RGS7: variants seen among roughly 807,000 people sequenced by gnomAD.
The protein encoded by RGS7 is regulator of G protein signaling 7.
RGS7 carries 27 observed loss-of-function variants against 81.1 expected under a neutral mutation model. That is an observed-to-expected ratio of 0.33 (90% CI 0.25 to 0.46). The LOEUF is 0.46. Ranked by LOEUF, RGS7 falls within the 20% of genes least tolerant of loss-of-function variation. The pLI, the probability that RGS7 is intolerant of heterozygous loss-of-function variation, is 1.00. For missense variants in RGS7, 396 were observed against 607.4 expected (o/e 0.65, Z 3.66); for synonymous variants, 208 against 207.7 (o/e 1.00, Z -0.01).
intron 2 of RGS7, among the ~76,000 whole-genome samples, chr1:241,327,054 G>A (rs1175340346): frequency 2.8e-5 from 2 of 71,158 alleles, no homozygotes; most frequent in African/African-American, 1.2e-4. Flanking sequence ...GAGGGGAAAG[G>A]AAGGAAGAAG....
chr1:241,021,062 T>A (rs1218801843), intron 3 of RGS7, among the ~76,000 whole-genome samples: 1 of 152,222 alleles, frequency 6.6e-6, no homozygotes, highest in Non-Finnish European at 1.5e-5. Flanking sequence ...TTCTTATTAG[T>A]GTTGTCAACA....
At chr1:241,058,042 T>G (rs2061558684) in intron 3 of RGS7, among the ~76,000 whole-genome samples, 1 of 152,088 alleles carries the variant, frequency 6.6e-6, no homozygotes, top group Non-Finnish European at 1.5e-5. Context: ...GCTGCCTCTC[T>G]AAAATAATAA....
chr1:240,856,047 G>A (rs1661062689), intron 9 of RGS7, among the ~76,000 whole-genome samples: 1 of 151,846 alleles, frequency 6.6e-6, no homozygotes, highest in African/African-American at 2.4e-5. Flanking sequence ...TGATATTTCT[G>A]AATTGTTTAA....
chr1:241,106,783 C>CACACACACACAA (rs1458660161), intron 2 of RGS7, among the ~76,000 whole-genome samples: 76 of 147,772 alleles, frequency 5.1e-4, no homozygotes, highest in African/African-American at 1.8e-3. Context: ...CACACACACA[C>CACACACACACAA]GATAACATAA....
chr1:241,188,285 TCACACA>T (rs59722851), intron 2 of RGS7, among the ~76,000 whole-genome samples: 3 of 148,048 alleles, frequency 2.0e-5, no homozygotes, highest in African/African-American at 7.5e-5. Context: ...TCTTTTATCC[TCACACA>T]CACACACACA....
chr1:240,940,813 G>A (rs76065298), intron 4 of RGS7, among the ~76,000 whole-genome samples: 2,855 of 152,234 alleles, frequency 0.019, 87 homozygotes, highest in African/African-American at 0.065. Flanking sequence ...AAACAGAAGT[G>A]AGTGATCATA....
chr1:241,296,549 G>A (rs2079437643), intron 2 of RGS7, among the ~76,000 whole-genome samples: 1 of 152,242 alleles, frequency 6.6e-6, no homozygotes, highest in South Asian at 2.1e-4. Flanking sequence ...CACATCTGGA[G>A]TCCAATATCC....
chr1:240,776,720 G>A (rs1321482795), intron 18 of RGS7, among the ~76,000 whole-genome samples: 2 of 152,148 alleles, frequency 1.3e-5, no homozygotes, highest in Non-Finnish European at 2.9e-5. Context: ...TTTTGAGGGT[G>A]TGATTCATGA....
intron 2 of RGS7, among the ~76,000 whole-genome samples, chr1:241,323,716 G>A (rs1488366411): frequency 6.6e-6 from 1 of 152,172 alleles, no homozygotes; most frequent in African/African-American, 2.4e-5. Flanking sequence ...AGAGCTGTCC[G>A]AGGTCCTGAT....
intron 6 of RGS7, among the ~76,000 whole-genome samples, chr1:240,903,167 G>A (rs1233947014): frequency 2.0e-5 from 3 of 152,284 alleles, no homozygotes; most frequent in South Asian, 2.1e-4. Context: ...AGAATCAGCT[G>A]TCAAAAAGAA....
rs180823876 is a variant in RGS7 at position 240,945,781 on chromosome 1, T to C, written c.227-9075A>G. 1.3e-3 allele frequency among the ~76,000 whole-genome samples: 199 copies of C among 152,324 alleles called. 2 individuals are homozygous for C. The highest frequency in any genetic ancestry group is 4.6e-3 in the African/African-American group (191 of 41,570). ...TGATGTTTGCAACTTTTGAATAATCTTTACAGCAAAGTATCATTTTAAAAA... is the reference window on the plus strand; with the variant it reads ...TGATGTTTGCAACTTTTGAATAATCCTTACAGCAAAGTATCATTTTAAAAA... On this transcript the variant is annotated intron_variant, in intron 4 of 18. Coordinates refer to ENST00000440928, the MANE Select transcript of RGS7 (RefSeq NM_001364886.1).
intron 9 of RGS7, among the ~76,000 whole-genome samples, chr1:240,834,386 A>T (rs1558324943): frequency 6.6e-6 from 1 of 152,240 alleles, no homozygotes; most frequent in Non-Finnish European, 1.5e-5. Context: ...CAAGAGGCAG[A>T]AGGAAACAGA....
chr1:241,167,127 A>AC (rs1245997406), intron 2 of RGS7, among the ~76,000 whole-genome samples: 2 of 152,210 alleles, frequency 1.3e-5, no homozygotes, highest in East Asian at 1.9e-4. Flanking sequence ...CAATACACAG[A>AC]CCCGGGGGAG....
intron 3 of RGS7, among the ~76,000 whole-genome samples, chr1:241,019,498 C>G (rs945086857): frequency 6.6e-6 from 1 of 152,046 alleles, no homozygotes; most frequent in South Asian, 2.1e-4. Context: ...TAATGCTATC[C>G]CTCCCCCAGC....
At chr1:241,179,835 A>T (rs1489904420) in intron 2 of RGS7, among the ~76,000 whole-genome samples, 1 of 146,798 alleles carries the variant, frequency 6.8e-6, no homozygotes, top group Non-Finnish European at 1.5e-5. Flanking sequence ...GGTACTTGGC[A>T]AATATACATA....
intron 2 of RGS7, among the ~76,000 whole-genome samples, chr1:241,255,904 C>T (rs924095963): frequency 7.2e-5 from 11 of 152,110 alleles, no homozygotes; most frequent in Non-Finnish European, 1.3e-4. Flanking sequence ...GACTGGGGCT[C>T]CACAATATGT....
chr1:240,956,666 A>T (rs1038558415), intron 4 of RGS7, among the ~76,000 whole-genome samples: 2 of 152,038 alleles, frequency 1.3e-5, no homozygotes, highest in Admixed American at 6.6e-5. Flanking sequence ...ACACACTTAA[A>T]TGTATATTAT....
chr1:240,891,079 C>A (rs1668215866), intron 6 of RGS7, among the ~76,000 whole-genome samples: 1 of 152,168 alleles, frequency 6.6e-6, no homozygotes, highest in Non-Finnish European at 1.5e-5. Flanking sequence ...TCTTAAGAAA[C>A]AGTGGCTTTA....
intron 4 of RGS7, among the ~76,000 whole-genome samples, chr1:240,958,683 G>T (rs973658032): frequency 6.6e-6 from 1 of 152,114 alleles, no homozygotes; most frequent in Non-Finnish European, 1.5e-5. Flanking sequence ...ATCACTTAGT[G>T]ACTTGGAGCA....
Sources: gnomAD v4.1 joint callset for allele counts (sites outside exome capture counted in the v4.1 genomes callset) on GRCh38, gnomAD v4.1.1 for gene constraint, MANE v1.5 for transcripts, NCBI Gene and HGNC (gene_info 2026-07-23, HGNC 2026-07-21) for gene names.